The following ALMS1 variants were observed in gnomAD, a reference collection of about 807,000 sequenced individuals.
The protein encoded by ALMS1 is centrosome-associated protein ALMS1.
ALMS1 carries 271 observed loss-of-function variants against 352.2 expected under a neutral mutation model. The observed-to-expected ratio is 0.77, with a 90% CI of 0.70 to 0.85. ALMS1 has a LOEUF of 0.85. Among genes scored for constraint, ALMS1 ranks in the 40% least tolerant of loss-of-function variants. The pLI, the probability that ALMS1 is intolerant of heterozygous loss-of-function variation, is 0.00. For missense variants in ALMS1, 5,445 were observed against 4,870.7 expected, an observed-to-expected ratio of 1.12 and a Z score of -3.51; for synonymous variants, 1,865 against 1,761.2, an observed-to-expected ratio of 1.06 and a Z score of -1.48.
At chr2:73,567,525 C>G (rs1674829121) in intron 15 of ALMS1, among the ~76,000 whole-genome samples, 1 of 152,042 alleles carries the variant, frequency 6.6e-6, no homozygotes, top group African/African-American at 2.4e-5. Flanking sequence ...ATGAATTATA[C>G]AGTGATAATA....
chr2:73,609,477 C>G, intron 22 of ALMS1, 91 bp from the exon 23 acceptor site: 3 of 1,200,408 alleles, frequency 2.5e-6, no homozygotes, highest in Non-Finnish European at 3.7e-6. Context: ...CACACTGATT[C>G]TCCTTGGTGA....
intron 13 of ALMS1, among the ~76,000 whole-genome samples, chr2:73,550,903 G>A (rs1261564608): frequency 6.6e-6 from 1 of 151,910 alleles, no homozygotes; most frequent in East Asian, 1.9e-4. Flanking sequence ...GTGCAGTGAT[G>A]CAATTATAGC....
intron 16 of ALMS1, among the ~76,000 whole-genome samples, chr2:73,574,082 C>G (rs1324683180): frequency 6.6e-6 from 1 of 152,138 alleles, no homozygotes; most frequent in East Asian, 1.9e-4. Flanking sequence ...TGATCAATAA[C>G]ATTCACTTTT....
At chr2:73,558,762 CCT>C in intron 14 of ALMS1, among the ~76,000 whole-genome samples, 1 of 152,152 alleles carries the variant, frequency 6.6e-6, no homozygotes, top group Middle Eastern at 3.4e-3. Context: ...AATACCGCTA[CCT>C]CTTTTTCTGA....
At chr2:73,539,072 G>A (rs953308186) in intron 12 of ALMS1, among the ~76,000 whole-genome samples, 9 of 152,172 alleles carry the variant, frequency 5.9e-5, no homozygotes, top group Admixed American at 3.9e-4. Context: ...ATCTGAGAAC[G>A]GACAGATTAC....
At chr2:73,432,618 G>A (rs1671522838) in intron 7 of ALMS1, among the ~76,000 whole-genome samples, 3 of 151,884 alleles carry the variant, frequency 2.0e-5, no homozygotes, top group Admixed American at 2.0e-4. Flanking sequence ...GGTGGAAGGG[G>A]CAGGGGGTCT....
At chr2:73,446,620 T>C (rs1440395841) in intron 7 of ALMS1, among the ~76,000 whole-genome samples, 1 of 152,186 alleles carries the variant, frequency 6.6e-6, no homozygotes, top group Non-Finnish European at 1.5e-5. Context: ...CCTTTGAAGC[T>C]CGTCAGTGGC....
intron 1 of ALMS1, among the ~76,000 whole-genome samples, chr2:73,392,097 C>T (rs373647265): frequency 7.1e-4 from 108 of 152,000 alleles, no homozygotes; most frequent in African/African-American, 2.5e-3. Context: ...CTTTATTTTT[C>T]TCCTGATTTG....
intron 12 of ALMS1, among the ~76,000 whole-genome samples, chr2:73,538,670 C>T (rs760614217): frequency 5.3e-5 from 8 of 152,124 alleles, no homozygotes; most frequent in African/African-American, 1.9e-4. Flanking sequence ...CCTGGAAAAT[C>T]GGGTCACTCC....
chr2:73,502,527 A>G (rs1349449024), intron 10 of ALMS1, among the ~76,000 whole-genome samples: 1 of 152,072 alleles, frequency 6.6e-6, no homozygotes, highest in Non-Finnish European at 1.5e-5. Context: ...TTTTGTCATT[A>G]AGTTTAATAT....
intron 16 of ALMS1, among the ~76,000 whole-genome samples, chr2:73,589,279 G>A (rs1675373749): frequency 6.6e-6 from 1 of 151,888 alleles, no homozygotes; most frequent in African/African-American, 2.4e-5. Context: ...TTCTATTTTG[G>A]GTGTAAAAGA....
chr2:73,594,233 T>G (rs1171341154), intron 16 of ALMS1, among the ~76,000 whole-genome samples: 1 of 139,660 alleles, frequency 7.2e-6, no homozygotes, highest in Non-Finnish European at 1.5e-5. Flanking sequence ...AGTGAACAGT[T>G]GTTTTTGTCT....
Position 73,424,545 on chromosome 2 carries a change from A to G in ALMS1, c.880A>G (p.Ser294Gly). ...VASDLASSRF[S>G]VSQHPLIGST... ...TTCAGACTTAGCAAGCAGTCGCTTT[A>G]GTGTATCTCAGCACCCGCTTATAGG... is the stretch of plus-strand genomic sequence containing the variant. Residue 294 changes from serine to glycine, a missense_variant, in exon 5 of 23, where the codon AGT becomes GGT. Coordinates refer to ENST00000613296, the MANE Select transcript of ALMS1 (RefSeq NM_001378454.1). 1 of 1,613,506 alleles carries G rather than the reference A, an allele frequency of 6.2e-7. No homozygotes were observed. Among genetic ancestry groups the G allele is most frequent in the Non-Finnish European group, 8.5e-7 (1 of 1,179,742 alleles).
At chr2:73,515,374 T>C (rs1312344747) in intron 10 of ALMS1, among the ~76,000 whole-genome samples, 1 of 152,140 alleles carries the variant, frequency 6.6e-6, no homozygotes, top group East Asian at 1.9e-4. Flanking sequence ...AACTAGTAGC[T>C]AAATCCCCTG....
intron 9 of ALMS1, chr2:73,458,322 G>C (rs1672116446): frequency 6.6e-6 from 1 of 151,940 alleles, no homozygotes; most frequent in Non-Finnish European, 1.5e-5. Context: ...AATTTCACAG[G>C]TATGTAATAT....
At position 73,449,765 on chromosome 2, in the gene ALMS1, C is replaced by A; in HGVS notation, c.3238C>A (p.Pro1080Thr). ...PEESLKVSAF[P>T]GPADQMTDTP... ...AGAGAGTCTGAAAGTTTCAGCCTTCCCTGGACCAGCTGACCAGATGACTGA... is the reference window on the plus strand; with the variant it reads ...AGAGAGTCTGAAAGTTTCAGCCTTCACTGGACCAGCTGACCAGATGACTGA... The change falls in exon 8 of 23, where the codon CCT (proline) becomes ACT (threonine). Residue 1080 changes from proline to threonine, a missense_variant. Pro to Thr is a conservative substitution (Grantham distance 38, BLOSUM62 -1). Transcript: ENST00000613296. The A allele has an allele frequency of 6.2e-7, 1 of 1,614,056 alleles. No individual in the cohort carries two copies. The highest frequency in any genetic ancestry group is 1.1e-5 in the South Asian group (1 of 91,068).
intron 10 of ALMS1, among the ~76,000 whole-genome samples, chr2:73,503,496 CGTT>C (rs1292762136): frequency 2.0e-5 from 3 of 152,114 alleles, no homozygotes; most frequent in African/African-American, 7.2e-5. Flanking sequence ...TCCAGTCTAT[CGTT>C]GTTGGACATT....
In ALMS1 at chr2:73,574,200, A is replaced by G. The variant is rs1246435570; in HGVS notation, c.11547+776A>G. ...CTTAAAGAAGGCACCACAGTGCAAC[A>G]AAGAGTATCCTCCTATAAGGCCATT... On this transcript the variant is annotated intron_variant, in intron 16 of 22. Coordinates refer to ENST00000613296, the MANE Select transcript of ALMS1 (RefSeq NM_001378454.1). 8.5e-5 allele frequency among the ~76,000 whole-genome samples: 13 copies of G among 152,346 alleles called. No individual in the cohort carries two copies. In the East Asian group the frequency reaches 2.5e-3, roughly 29 times the overall value.
At chr2:73,571,258 T>C (rs545851074) in intron 15 of ALMS1, among the ~76,000 whole-genome samples, 7 of 152,338 alleles carry the variant, frequency 4.6e-5, no homozygotes, top group Admixed American at 1.3e-4. Context: ...CATCATTGCA[T>C]GTGTGTATCT....
Sources: gnomAD v4.1 joint callset for allele counts (sites outside exome capture counted in the v4.1 genomes callset) on GRCh38, gnomAD v4.1.1 for gene constraint, MANE v1.5 for transcripts, NCBI Gene and HGNC (gene_info 2026-07-23, HGNC 2026-07-21) for gene names.